Variants in TCTA observed in about 807,000 individuals in gnomAD.
TCTA encodes T-cell leukemia translocation-altered gene protein.
Under a neutral mutation model 13.5 loss-of-function variants are expected in TCTA, and 13 were observed. That is an observed-to-expected ratio of 0.96 (90% CI 0.63 to 1.53). The LOEUF (loss-of-function observed/expected upper bound fraction) is 1.53, where lower values mean the gene tolerates loss of function less well. Among genes scored for constraint, TCTA ranks in the 40% most tolerant of loss-of-function variants. TCTA has a pLI of 0.00. For synonymous variants in TCTA, 58 were observed against 59.0 expected (o/e 0.98, Z 0.08); for missense variants, 138 against 131.3 (o/e 1.05, Z -0.25).
At chr3:49,413,138 C>A (rs1226227399) in intron 2 of TCTA, 28 bp downstream of exon 2, 1 of 1,613,628 alleles carries the variant, frequency 6.2e-7, no homozygotes, top group Non-Finnish European at 8.5e-7. Flanking sequence ...TACCGCAACC[C>A]CATGCTTGGC....
rs1231634244 is a variant in TCTA, at chr3:49,414,990, C to T, written c.*128C>T. On this transcript the variant is annotated 3_prime_UTR_variant, in exon 3 of 3. Coordinates refer to ENST00000273590, the MANE Select transcript of TCTA (RefSeq NM_022171.3). ...GGTTGGTAGCAGGGAGTACCCAGTG[C>T]CTACAGGGCTGGGCCTCTTCTGCCT... 2.6e-6 allele frequency: 3 copies of T among 1,157,564 alleles called. No homozygotes were observed. In the East Asian group the frequency reaches 7.6e-5, roughly 29 times the overall value. 71.7% of individuals were successfully genotyped at this position (1,157,564 alleles called of 1,614,324 possible). A position where few individuals can be genotyped will look rare whatever the true frequency, so the allele number is the denominator to read the frequency against.
chr3:49,412,691 CTCCCGACTG>C, intron 1 of TCTA, 51 bp downstream of exon 1: 1 of 1,590,946 alleles, frequency 6.3e-7, no homozygotes, highest in Non-Finnish European at 8.6e-7. Flanking sequence ...CCCCCACCCT[CTCCCGACTG>C]TACCATTGGG....
In TCTA at chr3:49,414,916, C is replaced by A; in HGVS notation, c.*54C>A. The A allele has an allele frequency of 6.2e-7, 1 of 1,609,188 alleles. No individual in the cohort carries two copies. The highest frequency in any genetic ancestry group is 8.5e-7 in the Non-Finnish European group (1 of 1,176,042). ...ATCACTGGGTCTGCTGGCTTCTACA[C>A]TGGGTTCTGCTACTCCCCAGACCTC... is the stretch of plus-strand genomic sequence containing the variant. On this transcript the variant is annotated 3_prime_UTR_variant, in exon 3 of 3. Transcript: ENST00000273590.
chr3:49,413,388 C>T, intron 2 of TCTA: 1 of 473,186 alleles, frequency 2.1e-6, no homozygotes, highest in South Asian at 2.5e-5. Flanking sequence ...CCACTCTGCA[C>T]AATCCCCTCA....
At position 49,415,084 on chromosome 3, in the gene TCTA, T is replaced by C. The variant is rs527479084; in HGVS notation, c.*222T>C. The C allele has an allele frequency of 2.2e-5, 12 of 544,582 alleles. No individual in the cohort carries two copies. In the South Asian group the frequency reaches 2.5e-4, roughly 11 times the overall value. The allele number at this position is 544,582 out of a possible 1,614,324, so 33.7% of individuals were successfully genotyped here. A position where few individuals can be genotyped will look rare whatever the true frequency, so the allele number is the denominator to read the frequency against. Reference sequence around the variant, plus strand: ...TTGCCTGTACTCTTATCTGGGTGCCTTAAGGAGAGAGATTGTGTTCTTCCT... The same window carrying C: ...TTGCCTGTACTCTTATCTGGGTGCCCTAAGGAGAGAGATTGTGTTCTTCCT... On this transcript the variant is annotated 3_prime_UTR_variant, in exon 3 of 3. Transcript: ENST00000273590.
chr3:49,413,370 G>T, intron 2 of TCTA: 2 of 542,696 alleles, frequency 3.7e-6, no homozygotes, highest in Non-Finnish European at 6.6e-6. Context: ...TGACAGGTTT[G>T]TTGGATTCCA....
Position 49,415,475 on chromosome 3 carries a change from C to T in TCTA, c.*613C>T, listed in dbSNP as rs187496342. 13 of 153,116 alleles carry T rather than the reference C, an allele frequency of 8.5e-5. 1 individual carries two copies. The East Asian group carries it at 1.7e-3, about 20-fold the overall frequency. The allele number at this position is 153,116 out of a possible 1,614,324, so 9.5% of individuals were successfully genotyped here. ...AGGTTGCAGTGAGCCAAGATTGCGC[C>T]GTTGTACTCCAGCCTGGGCAACAGA... On this transcript the variant is annotated 3_prime_UTR_variant, in exon 3 of 3. Transcript: ENST00000273590.
At chr3:49,414,651 G>T (rs1217223763) in intron 2 of TCTA, among the ~76,000 whole-genome samples, 169 bp from the exon 3 acceptor site, 2 of 152,166 alleles carry the variant, frequency 1.3e-5, no homozygotes, top group Non-Finnish European at 2.9e-5. Context: ...GCAGGGAGAA[G>T]GTGCTGGGCC....
chr3:49,413,199 T>G (rs777392762), intron 2 of TCTA, 89 bp downstream of exon 2: 8 of 1,468,386 alleles, frequency 5.4e-6, no homozygotes, highest in Non-Finnish European at 7.6e-6. Flanking sequence ...TCTCAGGCTT[T>G]AAGCCCACCA....
Position 49,412,461 on chromosome 3 carries a change from C to T in TCTA, c.35C>T (p.Ala12Val), listed in dbSNP as rs12488416. Residue 12 changes from alanine to valine, a missense_variant, in exon 1 of 3, where the codon GCT (alanine) becomes GTT (valine). Physicochemically the swap from Ala to Val is moderately conservative, Grantham distance 64 (BLOSUM62 0). Transcript: ENST00000273590. ...TCCTGGTCTGGGCAGGCCTTGCAGG[C>T]TCTGCCGGCCACGGTGCTGGGCGCG... is the stretch of plus-strand genomic sequence containing the variant. ...AESWSGQALQ[A>V]LPATVLGALG... The T allele has an allele frequency of 3.5e-4, 570 of 1,612,940 alleles. 8 individuals carry two copies. In the Admixed American group the frequency reaches 9.4e-3, roughly 27 times the overall value.
chr3:49,412,707 T>C (rs1030370571), intron 1 of TCTA, 67 bp downstream of exon 1: 189 of 1,540,624 alleles, frequency 1.2e-4, no homozygotes, highest in Middle Eastern at 3.7e-4. Context: ...ACTGTACCAT[T>C]GGGTTCCCCA....
intron 2 of TCTA, chr3:49,413,329 GTGGTAT>G (rs1393337279): frequency 3.5e-6 from 2 of 572,696 alleles, no homozygotes; most frequent in South Asian, 2.1e-5. Context: ...AGGATAGGTG[GTGGTAT>G]TGTCATAATT....
At chr3:49,414,146 C>T (rs1291894520) in intron 2 of TCTA, among the ~76,000 whole-genome samples, 1 of 151,872 alleles carries the variant, frequency 6.6e-6, no homozygotes. Flanking sequence ...GAGGCTGAGG[C>T]ATGAGAATCA....
At position 49,414,924 on chromosome 3, in the gene TCTA, T is replaced by C; in HGVS notation, c.*62T>C. On this transcript the variant is annotated 3_prime_UTR_variant, in exon 3 of 3. Coordinates refer to ENST00000273590, the MANE Select transcript of TCTA (RefSeq NM_022171.3). ...GTCTGCTGGCTTCTACACTGGGTTC[T>C]GCTACTCCCCAGACCTCAGGGACAA... 6.2e-7 allele frequency: 1 copy of C among 1,606,190 alleles called. No individual in the cohort carries two copies.
intron 2 of TCTA, 84 bp downstream of exon 2, chr3:49,413,194 G>A: frequency 2.0e-6 from 3 of 1,503,206 alleles, no homozygotes; most frequent in Non-Finnish European, 9.2e-7. Flanking sequence ...GGAGTTCTCA[G>A]GCTTTAAGCC....
chr3:49,412,967 TACCAGTGGTCTCTAACCTG>T, intron 1 of TCTA, 70 bp from the exon 2 acceptor site: 2 of 1,364,832 alleles, frequency 1.5e-6, no homozygotes, highest in South Asian at 2.4e-5. Flanking sequence ...CACCAAACAA[TACCAGTGGTCTCTAACCTG>T]ACCTGGGCTG....
In TCTA at chr3:49,414,923, C is replaced by A; in HGVS notation, c.*61C>A. Reference sequence around the variant, plus strand: ...GGTCTGCTGGCTTCTACACTGGGTTCTGCTACTCCCCAGACCTCAGGGACA... The same window carrying A: ...GGTCTGCTGGCTTCTACACTGGGTTATGCTACTCCCCAGACCTCAGGGACA... On this transcript the variant is annotated 3_prime_UTR_variant, in exon 3 of 3. Coordinates refer to ENST00000273590, the MANE Select transcript of TCTA (RefSeq NM_022171.3). 1 of 1,605,394 alleles carries A rather than the reference C, an allele frequency of 6.2e-7. No homozygotes were observed. The highest frequency in any genetic ancestry group is 1.7e-4 in the Middle Eastern group (1 of 6,030).
chr3:49,412,869 C>T, intron 1 of TCTA, 187 bp from the exon 2 acceptor site: 1 of 723,364 alleles, frequency 1.4e-6, no homozygotes, highest in Non-Finnish European at 2.3e-6. Flanking sequence ...ACGCCAGAAT[C>T]CCCACCAGTC....
At chr3:49,414,127 G>A (rs1559526051) in intron 2 of TCTA, among the ~76,000 whole-genome samples, 1 of 151,994 alleles carries the variant, frequency 6.6e-6, no homozygotes, top group Non-Finnish European at 1.5e-5. Flanking sequence ...TGTAATCCCA[G>A]CTACTCGGGA....
Sources: gnomAD v4.1 joint callset for allele counts (sites outside exome capture counted in the v4.1 genomes callset) on GRCh38, gnomAD v4.1.1 for gene constraint, MANE v1.5 for transcripts, NCBI Gene and HGNC (gene_info 2026-07-23, HGNC 2026-07-21) for gene names.